NEMP1: variants seen among roughly 807,000 people sequenced by gnomAD.
NEMP1 encodes the protein transmembrane protein 194.
A neutral mutation model predicts 53.7 loss-of-function variants in NEMP1; 29 were observed. The ratio of observed to expected loss-of-function variants is 0.54; its 90% CI spans 0.40 to 0.74. NEMP1 has a LOEUF of 0.74. NEMP1 is among the 30% of genes least tolerant of loss of function. NEMP1 has a pLI of 0.00. For missense variants in NEMP1, 477 were observed against 528.6 expected, an observed-to-expected ratio of 0.90 and a Z score of 0.96; for synonymous variants, 193 against 192.9, an observed-to-expected ratio of 1.00 and a Z score of 0.00.
chr12:57,062,310 T>A (rs761925901), intron 7 of NEMP1, among the ~76,000 whole-genome samples: 37 of 151,772 alleles, frequency 2.4e-4, no homozygotes, highest in Admixed American at 1.1e-3. Context: ...TGAAACCACA[T>A]CTCTATTAAA....
At chr12:57,080,877 C>T (rs2032827266), upstream of NEMP1, among the ~76,000 whole-genome samples, 1 of 145,858 alleles carries the variant, frequency 6.9e-6, no homozygotes, top group African/African-American at 2.6e-5. Context: ...GGTGACAGAG[C>T]GAGCCTCTCT....
chr12:57,083,664 A>G (rs1392089770), upstream of NEMP1, among the ~76,000 whole-genome samples: 1 of 152,288 alleles, frequency 6.6e-6, no homozygotes, highest in Non-Finnish European at 1.5e-5. Context: ...GGTAAGTGAA[A>G]GATGGAAAAG....
In NEMP1 at chr12:57,064,799, A is replaced by C. The variant is rs920264745; in HGVS notation, c.546-60T>G. 3.2e-6 allele frequency: 4 copies of C among 1,264,906 alleles called. No individual in the cohort carries two copies. The African/African-American group carries it at 4.5e-5, about 14-fold the overall frequency. The allele number at this position is 1,264,906 out of a possible 1,614,324, so 78.4% of individuals were successfully genotyped here. A position where few individuals can be genotyped will look rare whatever the true frequency, so the allele number is the denominator to read the frequency against. Reference sequence around the variant, plus strand: ...ATATATTTCATACATAGCACTGTTGAAACTAGGACAACTAACCCAGCCGAA... The same window carrying C: ...ATATATTTCATACATAGCACTGTTGCAACTAGGACAACTAACCCAGCCGAA... On this transcript the variant is annotated intron_variant, in intron 4 of 8. Coordinates refer to ENST00000300128, the MANE Select transcript of NEMP1 (RefSeq NM_001130963.2).
At chr12:57,082,085 G>A (rs539413154), upstream of NEMP1, among the ~76,000 whole-genome samples, 11 of 146,984 alleles carry the variant, frequency 7.5e-5, no homozygotes, top group South Asian at 1.1e-3. Flanking sequence ...GGCGTATGGC[G>A]GGCACCTGTA....
At chr12:57,068,272 A>G (rs573153304) in intron 4 of NEMP1, among the ~76,000 whole-genome samples, 5 of 152,024 alleles carry the variant, frequency 3.3e-5, no homozygotes, top group Non-Finnish European at 7.4e-5. Context: ...AGTTACCTAT[A>G]TATTTTCTTC....
intron 1 of NEMP1, among the ~76,000 whole-genome samples, chr12:57,085,225 G>A (rs766343524): frequency 2.0e-5 from 3 of 152,048 alleles, no homozygotes; most frequent in Non-Finnish European, 4.4e-5. Context: ...GCTCTGTGGT[G>A]CAGGGATGCA....
chr12:57,070,796 GA>G lies in NEMP1; in HGVS notation c.349del (p.Ser117ProfsTer4). The G allele has an allele frequency of 6.2e-7, 1 of 1,613,512 alleles. No homozygotes were observed. Among genetic ancestry groups the G allele is most frequent in the Non-Finnish European group, 8.5e-7 (1 of 1,179,732 alleles). Reference sequence around the variant, plus strand: ...ATTCAATTTCTCTTTTAAAAAGGAGGAAAAAAAGTTCCAGATACTAAACTGC... The same window carrying G: ...ATTCAATTTCTCTTTTAAAAAGGAGGAAAAAAGTTCCAGATACTAAACTGC... ...LEQFSIWNFF[S>X]SFLKEKLNDT... On this transcript the variant is annotated frameshift_variant, in exon 3 of 9. Transcript: ENST00000300128. LOFTEE classifies it high-confidence loss of function.
upstream of NEMP1, among the ~76,000 whole-genome samples, chr12:57,079,285 T>C (rs151111956): frequency 6.6e-6 from 1 of 152,322 alleles, no homozygotes; most frequent in East Asian, 1.9e-4. Flanking sequence ...GGATTTAAAA[T>C]AGAAGTCACA....
upstream of NEMP1, among the ~76,000 whole-genome samples, chr12:57,083,256 A>G (rs1048526588): frequency 5.9e-5 from 9 of 152,214 alleles, no homozygotes; most frequent in African/African-American, 2.2e-4. Flanking sequence ...GTGTATGGTA[A>G]TGAGACTGGC....
upstream of NEMP1, among the ~76,000 whole-genome samples, chr12:57,080,708 C>T (rs945687003): frequency 1.3e-5 from 2 of 151,642 alleles, no homozygotes; most frequent in Admixed American, 1.3e-4. Context: ...CTGGCCAACA[C>T]AGCAAAACCC....
At chr12:57,078,983 G>A (rs570482769), upstream of NEMP1, among the ~76,000 whole-genome samples, 19 of 152,326 alleles carry the variant, frequency 1.2e-4, no homozygotes, top group African/African-American at 4.6e-4. Flanking sequence ...TAGCAGTGGC[G>A]ACAGGAAGAT....
chr12:57,072,708 G>T, intron 2 of NEMP1, 80 bp downstream of exon 2: 1 of 1,438,244 alleles, frequency 7.0e-7, no homozygotes, highest in South Asian at 1.3e-5. Flanking sequence ...ATGTGAAGGG[G>T]AAGAAAGTGT....
At chr12:57,087,614 G>A (rs1037746870) in intron 1 of NEMP1, among the ~76,000 whole-genome samples, 3 of 152,012 alleles carry the variant, frequency 2.0e-5, no homozygotes, top group East Asian at 3.9e-4. Context: ...AAGAGGACCT[G>A]AGCAACTGAA....
At chr12:57,079,782 G>A (rs1435537014), upstream of NEMP1, among the ~76,000 whole-genome samples, 2 of 151,726 alleles carry the variant, frequency 1.3e-5, no homozygotes, top group African/African-American at 2.4e-5. Flanking sequence ...TTTTTTTAAT[G>A]TTTTTAGAGA....
In NEMP1 at chr12:57,069,318, A is replaced by G. The variant is rs1363354100; in HGVS notation, c.473-12T>C. On this transcript the variant is annotated splice_polypyrimidine_tract_variant and intron_variant, in intron 3 of 8. Transcript: ENST00000300128. ...TTTGGGATCAAATCCTGAAATAAAT[A>G]AAGATTTTTGCTTAATAAGGGAACA... The G allele has an allele frequency of 1.1e-5, 17 of 1,531,232 alleles. No homozygotes were observed. The highest frequency in any genetic ancestry group is 1.5e-5 in the Non-Finnish European group (17 of 1,136,460). 94.9% of individuals were successfully genotyped at this position (1,531,232 alleles called of 1,614,324 possible).
Position 57,078,696 on chromosome 12 carries a change from G to T in NEMP1, c.50C>A (p.Pro17His), listed in dbSNP as rs2032746549. ...ACCGCCCCCGACTCCCGAGCCCCAGGGCCCGGGACCAACTGCCGGCGAGAC... is the reference window on the plus strand; with the variant it reads ...ACCGCCCCCGACTCCCGAGCCCCAGTGCCCGGGACCAACTGCCGGCGAGAC... Reference protein sequence around the residue: ...VAVSPAVGPGPWGSGVGGGGT... With the variant: ...VAVSPAVGPGHWGSGVGGGGT... The change falls in exon 1 of 9, where the codon CCC becomes CAC. Residue 17 changes from proline (P) to histidine (H), a missense_variant. Transcript: ENST00000300128. 6.2e-7 allele frequency: 1 copy of T among 1,613,238 alleles called. No homozygotes were observed. Among genetic ancestry groups the T allele is most frequent in the African/African-American group, 1.3e-5 (1 of 74,872 alleles).
chr12:57,073,971 T>C (rs539157445), intron 1 of NEMP1, among the ~76,000 whole-genome samples: 1 of 150,686 alleles, frequency 6.6e-6, no homozygotes, highest in East Asian at 1.9e-4. Flanking sequence ...TTATTTTATT[T>C]TTTTATTTTT....
chr12:57,072,735 C>G, intron 2 of NEMP1, 53 bp downstream of exon 2: 1 of 1,547,006 alleles, frequency 6.5e-7, no homozygotes, highest in East Asian at 2.3e-5. Flanking sequence ...ACTCACTAAT[C>G]ACCAACAGAA....
intron 3 of NEMP1, 67 bp from the exon 4 acceptor site, chr12:57,069,373 A>G: frequency 9.3e-7 from 1 of 1,071,128 alleles, no homozygotes; most frequent in Non-Finnish European, 1.3e-6. Flanking sequence ...AGAATAAAAG[A>G]CAACGTTGGC....
Sources: gnomAD v4.1 joint callset for allele counts (sites outside exome capture counted in the v4.1 genomes callset) on GRCh38, gnomAD v4.1.1 for gene constraint, MANE v1.5 for transcripts, NCBI Gene and HGNC (gene_info 2026-07-23, HGNC 2026-07-21) for gene names.